QTMAN: variants seen among roughly 807,000 people sequenced by gnomAD.
The protein encoded by QTMAN is tRNA-queuosine alpha-mannosyltransferase.
the QTMAN span, among the ~76,000 whole-genome samples, chr2:144,300,193 T>G: frequency 0.08 from 12,182 of 152,282 alleles, 659 homozygotes; most frequent in Non-Finnish European, 0.13. Flanking sequence ...TAGAGATGGC[T>G]GCACAACAAT....
chr2:144,021,723 G>A, the QTMAN span, among the ~76,000 whole-genome samples: 8 of 152,158 alleles, frequency 5.3e-5, no homozygotes, highest in Non-Finnish European at 1.0e-4. Flanking sequence ...AAAATGAAGA[G>A]TTATTTGGGA....
chr2:144,199,258 A>G, the QTMAN span, among the ~76,000 whole-genome samples: 1 of 152,148 alleles, frequency 6.6e-6, no homozygotes. Context: ...CATGTTGGCC[A>G]GGCTGGTCTC....
chr2:144,016,358 A>G, the QTMAN span, among the ~76,000 whole-genome samples: 2 of 152,196 alleles, frequency 1.3e-5, no homozygotes, highest in African/African-American at 2.4e-5. Context: ...TGAAACTCAG[A>G]AGCCAAGTTT....
chr2:144,175,114 A>G, the QTMAN span, among the ~76,000 whole-genome samples: 1 of 152,292 alleles, frequency 6.6e-6, no homozygotes, highest in African/African-American at 2.4e-5. Context: ...AAACTGAACA[A>G]ATCAAGGAAG....
chr2:144,161,786 TCA>T, the QTMAN span, among the ~76,000 whole-genome samples: 1 of 152,124 alleles, frequency 6.6e-6, no homozygotes, highest in Non-Finnish European at 1.5e-5. Flanking sequence ...GTAAAGAAAA[TCA>T]CAGGCTAATT....
At chr2:144,152,773 A>G in the QTMAN span, among the ~76,000 whole-genome samples, 1 of 152,254 alleles carries the variant, frequency 6.6e-6, no homozygotes, top group South Asian at 2.1e-4. Flanking sequence ...TTTAAGAAGT[A>G]TAAGATATCA....
At chr2:144,043,246 T>C in the QTMAN span, among the ~76,000 whole-genome samples, 9 of 152,026 alleles carry the variant, frequency 5.9e-5, no homozygotes, top group Admixed American at 4.6e-4. Context: ...TGTGTGTGTG[T>C]GTGTGTGTTT....
the QTMAN span, among the ~76,000 whole-genome samples, chr2:144,048,466 CAG>C: frequency 6.6e-6 from 1 of 152,060 alleles, no homozygotes; most frequent in Non-Finnish European, 1.5e-5. Context: ...TATAGGCTAT[CAG>C]AGAGTGGTGG....
chr2:144,318,194 A>AACAC, the QTMAN span, among the ~76,000 whole-genome samples: 9,715 of 141,938 alleles, frequency 0.068, 493 homozygotes, highest in African/African-American at 0.15. Flanking sequence ...TATTTAAATA[A>AACAC]ACACACACAC....
the QTMAN span, among the ~76,000 whole-genome samples, chr2:144,273,857 C>T: frequency 2.0e-5 from 3 of 152,114 alleles, no homozygotes; most frequent in Non-Finnish European, 4.4e-5. Context: ...AATATATGGC[C>T]GGGCGCGGTG....
the QTMAN span, among the ~76,000 whole-genome samples, chr2:144,137,904 TTTACTTAACC>T: frequency 7.9e-5 from 12 of 152,114 alleles, no homozygotes; most frequent in Admixed American, 7.9e-4. Flanking sequence ...TAGTCATCAC[TTTACTTAACC>T]TCGCTGCTGT....
chr2:144,275,097 C>T, the QTMAN span, among the ~76,000 whole-genome samples: 1 of 152,032 alleles, frequency 6.6e-6, no homozygotes, highest in African/African-American at 2.4e-5. Context: ...TCTGGGAAAA[C>T]TTACCATGAT....
chr2:144,054,081 G>A, the QTMAN span, among the ~76,000 whole-genome samples: 7 of 152,150 alleles, frequency 4.6e-5, no homozygotes, highest in Middle Eastern at 3.4e-3. Context: ...CCAGCTACTC[G>A]GGAGGCTGAG....
chr2:144,054,232 G>T, the QTMAN span, among the ~76,000 whole-genome samples: 677 of 152,048 alleles, frequency 4.5e-3, 15 homozygotes, highest in Admixed American at 0.033. Context: ...TCCCACACAG[G>T]TTCAGGTCCT....
chr2:143,990,226 C>G, the QTMAN span, among the ~76,000 whole-genome samples: 1 of 151,994 alleles, frequency 6.6e-6, no homozygotes, highest in South Asian at 2.1e-4. Context: ...AAAAAGGATG[C>G]AAGAGCCTGC....
At chr2:144,255,208 T>C in the QTMAN span, among the ~76,000 whole-genome samples, 4 of 152,220 alleles carry the variant, frequency 2.6e-5, no homozygotes, top group Admixed American at 2.6e-4. Context: ...GATTTGGCTG[T>C]ATCCCCACCC....
chr2:144,119,061 T>C, the QTMAN span, among the ~76,000 whole-genome samples: 6 of 152,114 alleles, frequency 3.9e-5, no homozygotes, highest in Admixed American at 2.6e-4. Context: ...TCTTAATGTT[T>C]AAATACAGGG....
At chr2:144,093,338 T>C in the QTMAN span, among the ~76,000 whole-genome samples, 3 of 152,174 alleles carry the variant, frequency 2.0e-5, no homozygotes, top group African/African-American at 7.2e-5. Context: ...TAGCAAATTT[T>C]TAAAATCAAA....
At chr2:144,113,350 A>G in the QTMAN span, among the ~76,000 whole-genome samples, 47 of 152,150 alleles carry the variant, frequency 3.1e-4, no homozygotes, top group Non-Finnish European at 5.3e-4. Context: ...AATGGAGGAG[A>G]TAACAAAAAG....
Sources: gnomAD v4.1 joint callset for allele counts (sites outside exome capture counted in the v4.1 genomes callset) on GRCh38, gnomAD v4.1.1 for gene constraint, MANE v1.5 for transcripts, NCBI Gene and HGNC (gene_info 2026-07-23, HGNC 2026-07-21) for gene names.